The following GPC6 variants were observed in gnomAD, a reference collection of about 807,000 sequenced individuals.
GPC6 encodes glypican-6.
A neutral mutation model predicts 55.2 loss-of-function variants in GPC6; 14 were observed. The observed-to-expected ratio is 0.25, with a 90% confidence interval of 0.17 to 0.40. The LOEUF is 0.40. Ranked by LOEUF, GPC6 falls within the 10% of genes least tolerant of loss-of-function variation. The pLI is 1.00. For missense variants in GPC6, 641 were observed against 708.5 expected, an observed-to-expected ratio of 0.90 and a Z score of 1.08; for synonymous variants, 278 against 259.6, an observed-to-expected ratio of 1.07 and a Z score of -0.68.
intron 4 of GPC6, among the ~76,000 whole-genome samples, chr13:94,143,491 A>G (rs1314864877): frequency 6.6e-6 from 1 of 152,236 alleles, no homozygotes; most frequent in Non-Finnish European, 1.5e-5. Context: ...CTTTAGAATC[A>G]TGACATTCTT....
chr13:94,342,496 T>G (rs1441943363), intron 6 of GPC6, among the ~76,000 whole-genome samples: 1 of 152,056 alleles, frequency 6.6e-6, no homozygotes, highest in Non-Finnish European at 1.5e-5. Context: ...CACCAGATGT[T>G]AGGAGAGAGC....
intron 2 of GPC6, among the ~76,000 whole-genome samples, chr13:93,796,766 T>C (rs1886209357): frequency 6.6e-6 from 1 of 152,168 alleles, no homozygotes; most frequent in South Asian, 2.1e-4. Context: ...AGGAGAGGAA[T>C]AAAACAACAC....
At position 93,479,336 on chromosome 13, in the gene GPC6, G is replaced by A. The variant is rs531629562; in HGVS notation, c.161-65927G>A. Among the ~76,000 whole-genome samples the A allele has an allele frequency of 9.8e-4, 149 of 152,154 alleles. 3 individuals carry two copies. The South Asian group carries it at 0.031, about 31-fold the overall frequency. ...TCTGAGCTTGGAAGCAAACCTACAA[G>A]CAAAAAACAGGCTGAGCAACATCAA... On this transcript the variant is annotated intron_variant, in intron 1 of 8. Transcript: ENST00000377047.
At chr13:94,292,180 A>G (rs1875021844) in intron 5 of GPC6, among the ~76,000 whole-genome samples, 1 of 152,228 alleles carries the variant, frequency 6.6e-6, no homozygotes, top group Non-Finnish European at 1.5e-5. Flanking sequence ...TAGAGAAGTT[A>G]GGTGACTTAC....
intron 6 of GPC6, among the ~76,000 whole-genome samples, chr13:94,362,140 T>G (rs1334860506): frequency 1.3e-5 from 2 of 152,192 alleles, no homozygotes; most frequent in African/African-American, 4.8e-5. Context: ...ATACATACTT[T>G]TGCTTCAACA....
chr13:94,321,697 G>C (rs1368276993), intron 6 of GPC6, among the ~76,000 whole-genome samples: 1 of 152,068 alleles, frequency 6.6e-6, no homozygotes, highest in Middle Eastern at 3.2e-3. Flanking sequence ...TGTGGTAGTT[G>C]GTACTATTGG....
chr13:94,405,394 G>A lies in GPC6; in HGVS notation c.*2177G>A, dbSNP rs527520592. ...TGCTCATTTCATTCTGTGTTCAGAA[G>A]TCAGTATTGTCTTTCTCCAATAATT... is the stretch of plus-strand genomic sequence containing the variant. On this transcript the variant is annotated 3_prime_UTR_variant, in exon 9 of 9. Coordinates refer to ENST00000377047, the MANE Select transcript of GPC6 (RefSeq NM_005708.5). The A allele has an allele frequency of 2.6e-5, 4 of 152,266 alleles. No homozygotes were observed. The highest frequency in any genetic ancestry group is 4.4e-5 in the Non-Finnish European group (3 of 68,014). 9.4% of individuals were successfully genotyped at this position (152,266 alleles called of 1,614,324 possible).
chr13:93,970,898 G>C (rs1373267623), intron 3 of GPC6, among the ~76,000 whole-genome samples: 4 of 152,150 alleles, frequency 2.6e-5, no homozygotes, highest in South Asian at 4.1e-4. Flanking sequence ...CTTTAAAAAA[G>C]ACAAGATACA....
chr13:93,266,064 C>T lies in GPC6; in HGVS notation c.160+38448C>T, dbSNP rs557768236. 2.6e-5 allele frequency among the ~76,000 whole-genome samples: 4 copies of T among 152,224 alleles called. No individual in the cohort carries two copies. In the East Asian group the frequency reaches 7.7e-4, roughly 29 times the overall value. ...ACCACTGTACATGTGTGTGTATAGT[C>T]TATACTCTATCTAAAAATGAAGACA... is the stretch of plus-strand genomic sequence containing the variant. On this transcript the variant is annotated intron_variant, in intron 1 of 8. Coordinates refer to ENST00000377047, the MANE Select transcript of GPC6 (RefSeq NM_005708.5).
intron 4 of GPC6, among the ~76,000 whole-genome samples, chr13:94,065,773 T>C (rs1453011258): frequency 6.6e-6 from 1 of 152,190 alleles, no homozygotes; most frequent in African/African-American, 2.4e-5. Context: ...TCTGTATAAT[T>C]AAGTAATGAT....
intron 6 of GPC6, among the ~76,000 whole-genome samples, chr13:94,327,082 T>A (rs183913765): frequency 6.6e-6 from 1 of 152,332 alleles, no homozygotes. Context: ...AGGATACTTT[T>A]GGGACTCCCA....
At chr13:93,791,902 G>C (rs1444704585) in intron 2 of GPC6, among the ~76,000 whole-genome samples, 1 of 152,172 alleles carries the variant, frequency 6.6e-6, no homozygotes, top group Non-Finnish European at 1.5e-5. Flanking sequence ...CTTCCCAGGG[G>C]TACTTAGAAA....
intron 2 of GPC6, among the ~76,000 whole-genome samples, chr13:93,694,452 A>G (rs1182845146): frequency 6.6e-6 from 1 of 152,216 alleles, no homozygotes; most frequent in African/African-American, 2.4e-5. Flanking sequence ...ACAAAAACAT[A>G]TTTTAAAATT....
At chr13:93,510,154 A>G (rs1038019912) in intron 1 of GPC6, among the ~76,000 whole-genome samples, 1 of 152,132 alleles carries the variant, frequency 6.6e-6, no homozygotes, top group Non-Finnish European at 1.5e-5. Context: ...ATTTTGTTAC[A>G]TGTAATGTGT....
intron 4 of GPC6, among the ~76,000 whole-genome samples, chr13:94,150,393 T>A (rs1214786842): frequency 3.9e-5 from 6 of 152,092 alleles, no homozygotes; most frequent in Non-Finnish European, 7.4e-5. Context: ...ACCATCTTTC[T>A]CTTTAGTTAG....
chr13:93,314,212 T>C (rs553081529), intron 1 of GPC6, among the ~76,000 whole-genome samples: 1 of 152,280 alleles, frequency 6.6e-6, no homozygotes, highest in East Asian at 1.9e-4. Flanking sequence ...TCTCAATAAT[T>C]TCTTTTATCC....
chr13:93,348,109 C>G (rs1232437667), intron 1 of GPC6, among the ~76,000 whole-genome samples: 1 of 152,176 alleles, frequency 6.6e-6, no homozygotes, highest in Non-Finnish European at 1.5e-5. Context: ...AAAACACTCT[C>G]TTGTGAAGGA....
At chr13:94,021,840 C>T in intron 3 of GPC6, among the ~76,000 whole-genome samples, 1 of 152,122 alleles carries the variant, frequency 6.6e-6, no homozygotes. Flanking sequence ...GAATTCTTAT[C>T]AAAATCTCAC....
At chr13:93,626,285 G>A (rs766319411) in intron 2 of GPC6, among the ~76,000 whole-genome samples, 21 of 152,180 alleles carry the variant, frequency 1.4e-4, no homozygotes, top group Non-Finnish European at 1.9e-4. Flanking sequence ...ATTTCAAGAC[G>A]GCCACAGCAG....
Sources: allele counts gnomAD v4.1 joint callset (sites outside exome capture counted in the v4.1 genomes callset), GRCh38; gene constraint gnomAD v4.1.1; transcripts MANE v1.5; gene names NCBI Gene and HGNC (gene_info 2026-07-23, HGNC 2026-07-21).